CCDC88C: variants seen among roughly 807,000 people sequenced by gnomAD.
CCDC88C encodes the protein coiled-coil and HOOK domain protein 88C, also known as protein Daple.
CCDC88C carries 131 observed loss-of-function variants against 198.8 expected under a neutral mutation model. That is an observed-to-expected ratio of 0.66 (90% CI 0.57 to 0.76). The LOEUF (loss-of-function observed/expected upper bound fraction) is 0.76, where lower values mean the gene tolerates loss of function less well. Among genes scored for constraint, CCDC88C ranks in the 30% least tolerant of loss-of-function variants. The pLI is 0.00. For missense variants in CCDC88C, 2,553 were observed against 2,631.6 expected, an observed-to-expected ratio of 0.97 and a Z score of 0.65; for synonymous variants, 1,166 against 1,114.7, an observed-to-expected ratio of 1.05 and a Z score of -0.92.
chr14:91,360,488 T>A (rs189840827), intron 3 of CCDC88C, among the ~76,000 whole-genome samples: 15 of 152,276 alleles, frequency 9.9e-5, no homozygotes, highest in Admixed American at 4.6e-4. Flanking sequence ...ATTAAAGAGA[T>A]GCTACTGAGC....
intron 3 of CCDC88C, among the ~76,000 whole-genome samples, chr14:91,360,718 C>T (rs1015203053): frequency 6.6e-6 from 1 of 152,200 alleles, no homozygotes; most frequent in Non-Finnish European, 1.5e-5. Flanking sequence ...CAGTCATGCC[C>T]GCTCGTCTGG....
intron 29 of CCDC88C, among the ~76,000 whole-genome samples, chr14:91,276,508 G>A (rs903261974): frequency 6.6e-6 from 1 of 152,250 alleles, no homozygotes; most frequent in Non-Finnish European, 1.5e-5. Context: ...TGATGAACTG[G>A]TTTGCTTTGC....
chr14:91,392,795 C>G (rs1205991387), intron 3 of CCDC88C, among the ~76,000 whole-genome samples: 1 of 151,608 alleles, frequency 6.6e-6, no homozygotes. Context: ...ACCCCTCACT[C>G]TCACTGAGCC....
At position 91,364,348 on chromosome 14, in the gene CCDC88C, T is replaced by C. The variant is rs549316923; in HGVS notation, c.271-4637A>G. On this transcript the variant is annotated intron_variant, in intron 3 of 29. Coordinates refer to ENST00000389857, the MANE Select transcript of CCDC88C (RefSeq NM_001080414.4). ...GGATCCTAAAATAAGATTTTGCTTT[T>C]CATAAATGACTTGCTTTTCAACTGC... 5.3e-5 allele frequency among the ~76,000 whole-genome samples: 8 copies of C among 152,346 alleles called. No homozygotes were observed. The South Asian group carries it at 1.7e-3, about 32-fold the overall frequency.
chr14:91,282,545 G>T (rs1451924451), intron 26 of CCDC88C, among the ~76,000 whole-genome samples: 1 of 151,872 alleles, frequency 6.6e-6, no homozygotes, highest in African/African-American at 2.4e-5. Flanking sequence ...CATTTCTCTT[G>T]TCTCTGATTT....
intron 3 of CCDC88C, chr14:91,379,775 G>A (rs934224969): frequency 4.3e-6 from 3 of 699,406 alleles, no homozygotes; most frequent in South Asian, 1.5e-5. Context: ...GGCCTCCTGC[G>A]GGGGTGTCTT....
At chr14:91,345,969 CTATTG>C (rs1893527777) in intron 4 of CCDC88C, among the ~76,000 whole-genome samples, 1 of 151,946 alleles carries the variant, frequency 6.6e-6, no homozygotes. Flanking sequence ...TCGTTATATC[CTATTG>C]TATTGAGGAA....
chr14:91,315,270 C>A (rs1407693617), intron 14 of CCDC88C, among the ~76,000 whole-genome samples: 1 of 152,150 alleles, frequency 6.6e-6, no homozygotes, highest in African/African-American at 2.4e-5. Context: ...AATAAAACCA[C>A]ACGGATTTGC....
At chr14:91,293,873 G>C (rs1890880176) in intron 23 of CCDC88C, among the ~76,000 whole-genome samples, 1 of 152,202 alleles carries the variant, frequency 6.6e-6, no homozygotes, top group South Asian at 2.1e-4. Flanking sequence ...TCCCCCTTGA[G>C]ATACTTCAGT....
At chr14:91,402,444 G>A (rs371395340) in intron 3 of CCDC88C, among the ~76,000 whole-genome samples, 1 of 152,230 alleles carries the variant, frequency 6.6e-6, no homozygotes, top group South Asian at 2.1e-4. Context: ...AGCAGAGGAA[G>A]AAGTTACAGG....
chr14:91,399,838 CAAA>C (rs71120133), intron 3 of CCDC88C, among the ~76,000 whole-genome samples: 32 of 75,150 alleles, frequency 4.3e-4, no homozygotes, highest in African/African-American at 1.4e-3. Flanking sequence ...GACTCCCTCT[CAAA>C]AAAAAAAAAA....
At chr14:91,406,061 T>A (rs1886467499) in intron 3 of CCDC88C, among the ~76,000 whole-genome samples, 1 of 152,162 alleles carries the variant, frequency 6.6e-6, no homozygotes, top group East Asian at 1.9e-4. Flanking sequence ...TTCTGGACCC[T>A]GAGGGTGGGC....
intron 14 of CCDC88C, among the ~76,000 whole-genome samples, chr14:91,315,407 C>A (rs1273774857): frequency 1.3e-5 from 2 of 152,152 alleles, no homozygotes; most frequent in African/African-American, 4.8e-5. Flanking sequence ...CCCCTCTCTT[C>A]CCCGGGGTCA....
intron 10 of CCDC88C, among the ~76,000 whole-genome samples, chr14:91,326,880 A>C (rs780576329): frequency 2.0e-5 from 3 of 152,236 alleles, no homozygotes; most frequent in Non-Finnish European, 4.4e-5. Flanking sequence ...GGGGTCTTTA[A>C]GACAGTTAAG....
At chr14:91,331,555 GAGAA>G (rs1221800846) in intron 10 of CCDC88C, among the ~76,000 whole-genome samples, 1 of 82,010 alleles carries the variant, frequency 1.2e-5, no homozygotes, top group Non-Finnish European at 3.0e-5. Context: ...AGAGAGGAGA[GAGAA>G]AGACAGACAC....
In CCDC88C at chr14:91,338,513, C is replaced by G. The variant is rs761788641; in HGVS notation, c.867G>C (p.Leu289=). Residue 289 remains leucine (L), a synonymous_variant, in exon 9 of 30, where the codon CTG becomes CTC. Transcript: ENST00000389857. This position sits in a 1 kb window ranked among gnomAD's most constrained non-coding sequence, Gnocchi z 4.8. Reference sequence around the variant, plus strand: ...CCTCCTGCTTAACTTTCTGCAGTTCCAGCACCAGCTGGTCCACCTCATGTC... The same window carrying G: ...CCTCCTGCTTAACTTTCTGCAGTTCGAGCACCAGCTGGTCCACCTCATGTC... The part of the protein sequence containing the change: ...DTRHEVDQLV[L]ELQKVKQENI... 6.4e-7 allele frequency: 1 copy of G among 1,570,874 alleles called. No individual in the cohort carries two copies. The highest frequency in any genetic ancestry group is 1.2e-5 in the South Asian group (1 of 85,024).
At position 91,310,002 on chromosome 14, in the gene CCDC88C, G is replaced by A. The variant is rs780371746; in HGVS notation, c.2737-16C>T. On this transcript the variant is annotated splice_polypyrimidine_tract_variant and intron_variant, in intron 15 of 29. Coordinates refer to ENST00000389857, the MANE Select transcript of CCDC88C (RefSeq NM_001080414.4). ...GCACCAGGTCCTGGAATGATGGGGA[G>A]AGAGCACTGGATAGGAGCTCAGCAA... The A allele has an allele frequency of 5.7e-6, 9 of 1,578,140 alleles. No individual in the cohort carries two copies. Among genetic ancestry groups the A allele is most frequent in the Non-Finnish European group, 7.7e-6 (9 of 1,161,466 alleles).
intron 12 of CCDC88C, among the ~76,000 whole-genome samples, chr14:91,323,900 G>T (rs556439838): frequency 6.6e-6 from 1 of 152,340 alleles, no homozygotes; most frequent in Non-Finnish European, 1.5e-5. Flanking sequence ...CAGTGAAACT[G>T]GTTTTAGGTT....
chr14:91,395,657 A>G (rs1380617395), intron 3 of CCDC88C, among the ~76,000 whole-genome samples: 2 of 151,990 alleles, frequency 1.3e-5, no homozygotes, highest in African/African-American at 4.8e-5. Flanking sequence ...CCCAGCCGAG[A>G]AGGCAAACCT....
Sources: gnomAD v4.1 joint callset for allele counts (sites outside exome capture counted in the v4.1 genomes callset) on GRCh38, gnomAD v4.1.1 for gene constraint, Gnocchi (gnomAD v3.1) non-coding constraint, MANE v1.5 for transcripts, NCBI Gene and HGNC (gene_info 2026-07-23, HGNC 2026-07-21) for gene names.